The following FBLN5 variants were observed in gnomAD, a reference collection of about 807,000 sequenced individuals.
The protein encoded by FBLN5 is fibulin 5.
A neutral mutation model predicts 61.6 loss-of-function variants in FBLN5; 24 were observed. The ratio of observed to expected loss-of-function variants is 0.39; its 90% CI spans 0.28 to 0.55. The LOEUF (loss-of-function observed/expected upper bound fraction) is 0.55. FBLN5 is among the 20% of genes least tolerant of loss of function. FBLN5 has a pLI of 0.65. For missense variants in FBLN5, 470 were observed against 594.1 expected (o/e 0.79, Z 2.17); for synonymous variants, 213 against 219.8 (o/e 0.97, Z 0.27).
intron 5 of FBLN5, among the ~76,000 whole-genome samples, chr14:91,892,926 C>T (rs1331604618): frequency 3.9e-5 from 6 of 152,214 alleles, no homozygotes; most frequent in Admixed American, 1.3e-4. Context: ...GGCTGGGCCA[C>T]ATGGTACCAT....
intron 5 of FBLN5, 143 bp downstream of exon 5, chr14:91,894,807 T>G: frequency 1.2e-6 from 1 of 811,282 alleles, no homozygotes; most frequent in East Asian, 2.7e-5. Flanking sequence ...CACATGTGAG[T>G]TCAATAGCCT....
intron 4 of FBLN5, among the ~76,000 whole-genome samples, chr14:91,897,617 A>C (rs1037248498): frequency 4.9e-4 from 74 of 152,302 alleles, no homozygotes; most frequent in Admixed American, 2.0e-4. Flanking sequence ...GAGAAACCAG[A>C]CGCATGCCAG....
intron 4 of FBLN5, among the ~76,000 whole-genome samples, chr14:91,929,875 A>C (rs1212670517): frequency 2.6e-5 from 4 of 152,144 alleles, no homozygotes; most frequent in Admixed American, 1.3e-4. Flanking sequence ...TCAGAACTGC[A>C]TTTTCCCCAG....
chr14:91,920,772 C>T (rs1287418122), intron 4 of FBLN5, among the ~76,000 whole-genome samples: 2 of 152,208 alleles, frequency 1.3e-5, no homozygotes, highest in East Asian at 3.8e-4. Context: ...TTGCCTGTGG[C>T]CCCCAATGGT....
intron 10 of FBLN5, among the ~76,000 whole-genome samples, chr14:91,875,388 C>T (rs1039344299): frequency 1.3e-5 from 2 of 152,098 alleles, no homozygotes; most frequent in African/African-American, 4.8e-5. Context: ...TGCAGTGATA[C>T]CCTCCACCTC....
intron 4 of FBLN5, among the ~76,000 whole-genome samples, chr14:91,899,789 G>T (rs548403591): frequency 6.6e-6 from 1 of 152,310 alleles, no homozygotes; most frequent in Non-Finnish European, 1.5e-5. Context: ...GGGAATAAAG[G>T]GATGTCCCTC....
chr14:91,916,635 C>T (rs958126128), intron 4 of FBLN5, among the ~76,000 whole-genome samples: 1 of 152,134 alleles, frequency 6.6e-6, no homozygotes, highest in Non-Finnish European at 1.5e-5. Context: ...TAGGCCCCTA[C>T]TTTTGTTACT....
chr14:91,893,569 G>T (rs1379102826), intron 5 of FBLN5, among the ~76,000 whole-genome samples: 1 of 152,164 alleles, frequency 6.6e-6, no homozygotes, highest in African/African-American at 2.4e-5. Flanking sequence ...GCAACAGAAT[G>T]GTGTCTTAGA....
At chr14:91,912,293 T>TG (rs1347447151) in intron 4 of FBLN5, among the ~76,000 whole-genome samples, 3 of 152,164 alleles carry the variant, frequency 2.0e-5, no homozygotes, top group Non-Finnish European at 2.9e-5. Context: ...GGCCAGGAGT[T>TG]AGAGACCAGC....
At chr14:91,931,353 C>T (rs894303970) in intron 4 of FBLN5, among the ~76,000 whole-genome samples, 2 of 152,230 alleles carry the variant, frequency 1.3e-5, no homozygotes, top group African/African-American at 4.8e-5. Context: ...CAAAACTCCA[C>T]ATCCCCCTCG....
At chr14:91,881,259 G>A (rs377147678) in intron 9 of FBLN5, 33 bp downstream of exon 9, 5 of 1,613,186 alleles carry the variant, frequency 3.1e-6, no homozygotes, top group Non-Finnish European at 4.2e-6. Context: ...CCCTCATCAG[G>A]TTTCTATTCC....
rs1423269244 is a variant in FBLN5, at chr14:91,925,346, T to C, written c.379+11601A>G. 3.3e-5 allele frequency among the ~76,000 whole-genome samples: 5 copies of C among 152,304 alleles called. No homozygotes were observed. The East Asian group carries it at 9.6e-4, about 29-fold the overall frequency. ...TGGAGGGGAACAGGCGGTCAGTCCT[T>C]GACATCTAGTCTGTTGTCTGAGGCC... On this transcript the variant is annotated intron_variant, in intron 4 of 10. Transcript: ENST00000342058.
chr14:91,946,568 A>C lies in FBLN5; in HGVS notation c.17+645T>G, dbSNP rs1217732238. On this transcript the variant is annotated intron_variant, in intron 1 of 10. Coordinates refer to ENST00000342058, the MANE Select transcript of FBLN5 (RefSeq NM_006329.4). The stretch of plus-strand genomic sequence containing the variant: ...CCACAGACACATACATACGCACACA[A>C]GGTTAATTTGTTCAAAGCAGTATGT... 4 of 685,098 alleles carry C rather than the reference A, an allele frequency of 5.8e-6. No individual in the cohort carries two copies. In the East Asian group the frequency reaches 1.1e-4, roughly 19 times the overall value. The allele number at this position is 685,098 out of a possible 1,614,324, so 42.4% of individuals were successfully genotyped here.
intron 6 of FBLN5, among the ~76,000 whole-genome samples, chr14:91,888,608 CAA>C (rs34117518): frequency 4.0e-3 from 458 of 113,690 alleles, no homozygotes; most frequent in East Asian, 0.015. Context: ...GACTCTGTCT[CAA>C]AAAAAAAAAA....
Position 91,881,335 on chromosome 14 carries a change from C to T in FBLN5, c.946G>A (p.Asp316Asn), listed in dbSNP as rs1287925034. The T allele has an allele frequency of 4.3e-6, 7 of 1,614,142 alleles. No individual in the cohort carries two copies. The highest frequency in any genetic ancestry group is 2.2e-5 in the South Asian group (2 of 91,082). The stretch of plus-strand genomic sequence containing the variant: ...TAAGGCTCCTCACAGCGGATGGGGT[C>T]AATGCATTTGAAGCCCCCTTGTAAA... ...YNLQGGFKCI[D>N]PIRCEEPYLR... The change falls in exon 9 of 11, where the codon GAC (aspartate) becomes AAC (asparagine). Residue 316 changes from aspartate (D) to asparagine (N), a missense_variant. Transcript: ENST00000342058.
chr14:91,872,110 T>A (rs1888964046), intron 10 of FBLN5, among the ~76,000 whole-genome samples: 1 of 152,150 alleles, frequency 6.6e-6, no homozygotes, highest in Admixed American at 6.5e-5. Flanking sequence ...AAGTGCTGTA[T>A]GAAAGGTATG....
intron 5 of FBLN5, 46 bp from the exon 6 acceptor site, chr14:91,891,383 A>G (rs1187454384): frequency 5.9e-6 from 7 of 1,184,226 alleles, no homozygotes; most frequent in African/African-American, 4.5e-5. Flanking sequence ...TCCTCACTCA[A>G]TGATGCCCCC....
intron 4 of FBLN5, among the ~76,000 whole-genome samples, chr14:91,919,382 A>G (rs576937286): frequency 0.025 from 2,366 of 95,876 alleles, 37 homozygotes; most frequent in Non-Finnish European, 0.03. Context: ...AAAAGAAAAG[A>G]AAGAAAGAAA....
chr14:91,901,140 G>A (rs1018948390), intron 4 of FBLN5, among the ~76,000 whole-genome samples: 3 of 152,318 alleles, frequency 2.0e-5, no homozygotes, highest in East Asian at 3.9e-4. Flanking sequence ...ATAAAGGTAC[G>A]TGTGCCTAAT....
Sources: gnomAD v4.1 joint callset for allele counts (sites outside exome capture counted in the v4.1 genomes callset) on GRCh38, gnomAD v4.1.1 for gene constraint, MANE v1.5 for transcripts, NCBI Gene and HGNC (gene_info 2026-07-23, HGNC 2026-07-21) for gene names.